Variants in SMIM27 observed in about 807,000 individuals in gnomAD.
SMIM27 encodes TOPORS antisense RNA 1 (non-protein coding).
SMIM27 carries 3 observed loss-of-function variants against 1.8 expected under a neutral mutation model. That is an observed-to-expected ratio of 1.65 (90% confidence interval 0.75 to 4.28). The LOEUF is 4.28. Among genes scored for constraint, SMIM27 ranks in the 30% most tolerant of loss-of-function variants. SMIM27 has a pLI of 0.02. For missense variants in SMIM27, 63 were observed against 37.0 expected (o/e 1.70, Z -1.83); for synonymous variants, 19 against 13.9 (o/e 1.37, Z -0.82).
downstream of SMIM27, chr9:32,553,275 G>T: frequency 5.3e-6 from 1 of 188,100 alleles, no homozygotes; most frequent in Non-Finnish European, 1.1e-5. Context: ...TGCAAGCTCC[G>T]CCTTCTGGGT....
intron 1 of SMIM27, among the ~76,000 whole-genome samples, chr9:32,565,161 C>T (rs912236762): frequency 1.3e-5 from 2 of 151,976 alleles, no homozygotes; most frequent in African/African-American, 2.4e-5. Flanking sequence ...GCCATGGTGG[C>T]GGACACCTGT....
At chr9:32,566,505 T>C in exon 2 of SMIM27, 1 of 778,148 alleles carries the variant, frequency 1.3e-6, no homozygotes, top group South Asian at 1.4e-5. Context: ...AGCCTTCCGG[T>C]GTGCAGAGAC....
intron 1 of SMIM27, among the ~76,000 whole-genome samples, chr9:32,558,694 T>C (rs1821541049): frequency 6.6e-6 from 1 of 152,192 alleles, no homozygotes; most frequent in South Asian, 2.1e-4. Flanking sequence ...TGAAAATAAA[T>C]GTGCTCACTT....
At chr9:32,563,455 C>T (rs1183151374) in intron 1 of SMIM27, among the ~76,000 whole-genome samples, 1 of 149,498 alleles carries the variant, frequency 6.7e-6, no homozygotes, top group African/African-American at 2.5e-5. Context: ...AAGCGATCCT[C>T]CTGCTTCAGC....
intron 1 of SMIM27, chr9:32,566,328 T>C (rs922830789): frequency 8.5e-7 from 1 of 1,172,336 alleles, no homozygotes; most frequent in Non-Finnish European, 1.3e-6. Context: ...TCCATCTTGT[T>C]CTTTAACTGC....
In SMIM27 at chr9:32,566,276, G is replaced by A. The variant is rs1394899658; in HGVS notation, c.46-115G>A. 5.2e-6 allele frequency: 6 copies of A among 1,145,292 alleles called. No individual in the cohort carries two copies. In the Admixed American group the frequency reaches 8.4e-5, roughly 16 times the overall value. The allele number at this position is 1,145,292 out of a possible 1,614,324, so 70.9% of individuals were successfully genotyped here. A position where few individuals can be genotyped will look rare whatever the true frequency, so the allele number is the denominator to read the frequency against. On this transcript the variant is annotated intron_variant, in intron 1 of 1. Coordinates refer to the SMIM27 transcript ENST00000451672. ...ACAACACTAATTTTAGGTTCTCTGA[G>A]GTAGAAAGCAGGCCATAAAAATATT...
chr9:32,566,673 C>T (rs532463579), exon 2 of SMIM27: 7 of 815,880 alleles, frequency 8.6e-6, no homozygotes, highest in East Asian at 4.9e-5. Context: ...ACTCCGGATC[C>T]GGCTTTCACA....
downstream of SMIM27, chr9:32,553,988 C>T (rs1821381817): frequency 4.0e-6 from 5 of 1,258,936 alleles, no homozygotes; most frequent in Admixed American, 1.9e-5. Context: ...CTTAAGTCTA[C>T]AGAGGTGATA....
chr9:32,565,579 C>T (rs1821759138), intron 1 of SMIM27: 1 of 152,294 alleles, frequency 6.6e-6, no homozygotes, highest in Non-Finnish European at 1.5e-5. Context: ...CAGAAGAATT[C>T]CTCAGCTCAG....
chr9:32,563,493 T>C (rs1303245386), intron 1 of SMIM27, among the ~76,000 whole-genome samples: 2 of 139,820 alleles, frequency 1.4e-5, no homozygotes, highest in Non-Finnish European at 3.1e-5. Context: ...CTATTGGGCT[T>C]TTTTTTTTTT....
chr9:32,566,101 T>C (rs1821779982), intron 1 of SMIM27: 4 of 474,998 alleles, frequency 8.4e-6, no homozygotes, highest in African/African-American at 7.8e-5. Flanking sequence ...GTTAAAATTA[T>C]GCCCACGACA....
chr9:32,552,322 C>T, upstream of SMIM27: 1 of 1,462,750 alleles, frequency 6.8e-7, no homozygotes, highest in Non-Finnish European at 9.4e-7. Flanking sequence ...AGTGGGCGGG[C>T]GCTCGTGCCC....
At chr9:32,559,548 G>A (rs531629321) in intron 1 of SMIM27, among the ~76,000 whole-genome samples, 1 of 152,072 alleles carries the variant, frequency 6.6e-6, no homozygotes, top group Non-Finnish European at 1.5e-5. Context: ...CCATTCCTAG[G>A]AGTCCAATTC....
At chr9:32,551,756 A>T (rs1238987710), upstream of SMIM27, 6 of 443,306 alleles carry the variant, frequency 1.4e-5, no homozygotes, top group African/African-American at 2.0e-5. Flanking sequence ...CAGTTCAAGA[A>T]CATCAGACAC....
upstream of SMIM27, chr9:32,551,243 T>TA (rs1821251109): frequency 1.7e-6 from 1 of 577,168 alleles, no homozygotes; most frequent in Non-Finnish European, 3.1e-6. Flanking sequence ...GCCCCTAACT[T>TA]ACCCGGAAAA....
intron 1 of SMIM27, among the ~76,000 whole-genome samples, chr9:32,563,577 G>A (rs1821692725): frequency 6.9e-6 from 1 of 145,786 alleles, no homozygotes; most frequent in Admixed American, 7.2e-5. Flanking sequence ...TCCCACCTCA[G>A]CCTCCCAAAG....
In SMIM27 at chr9:32,552,831, G is replaced by A; in HGVS notation, c.76G>A (p.Gly26Ser). Residue 26 changes from glycine (G) to serine (S), a missense_variant, in exon 2 of 2, where the codon GGC becomes AGC. By Grantham distance (56) the Gly-to-Ser change is moderately conservative. Coordinates refer to ENST00000692500, the MANE Select transcript of SMIM27 (RefSeq NM_001387564.1). The part of the protein sequence containing the change: ...LLLAIVLISW[G>S]CIIYASMVSA... The stretch of plus-strand genomic sequence containing the variant: ...GCTTGCCATCGTTTTAATCTCCTGG[G>A]GCTGCATCATCTATGCTTCGATGGT... 2 of 702,608 alleles carry A rather than the reference G, an allele frequency of 2.8e-6. No homozygotes were observed. Among genetic ancestry groups the A allele is most frequent in the East Asian group, 2.7e-5 (1 of 37,268 alleles). The allele number at this position is 702,608 out of a possible 1,614,324, so 43.5% of individuals were successfully genotyped here.
At chr9:32,566,477 G>T in exon 2 of SMIM27, 1 of 796,146 alleles carries the variant, frequency 1.3e-6, no homozygotes. Flanking sequence ...ATGTCGAAGG[G>T]ACCCTGGCAG....
downstream of SMIM27, chr9:32,553,085 C>T (rs535758571): frequency 1.2e-4 from 61 of 512,370 alleles, no homozygotes; most frequent in Middle Eastern, 5.1e-4. Flanking sequence ...TAGTATTTTA[C>T]ATTCTCATGA....
Sources: gnomAD v4.1 joint callset for allele counts (sites outside exome capture counted in the v4.1 genomes callset) on GRCh38, gnomAD v4.1.1 for gene constraint, MANE v1.5 for transcripts, NCBI Gene and HGNC (gene_info 2026-07-23, HGNC 2026-07-21) for gene names.